The following MCOLN3 variants were observed in gnomAD, a reference collection of about 807,000 sequenced individuals.
MCOLN3 encodes mucolipin TRP cation channel 3.
MCOLN3 carries 62 observed loss-of-function variants against 69.4 expected under a neutral mutation model. The observed-to-expected ratio is 0.89, with a 90% CI of 0.73 to 1.10. The LOEUF is 1.10. MCOLN3 is among the 50% of genes least tolerant of loss of function. MCOLN3 has a pLI of 0.00. For missense variants in MCOLN3, 564 were observed against 656.4 expected (o/e 0.86, Z 1.54); for synonymous variants, 183 against 217.0 (o/e 0.84, Z 1.38).
intron 1 of MCOLN3, among the ~76,000 whole-genome samples, 200 bp from the exon 2 acceptor site, chr1:85,045,562 T>A (rs371339880): frequency 1.3e-5 from 2 of 152,232 alleles, no homozygotes; most frequent in Non-Finnish European, 2.9e-5. Flanking sequence ...TTGTTTTAAT[T>A]ACAAAGTGAA....
At chr1:85,026,787 T>C (rs1300859380) in intron 7 of MCOLN3, among the ~76,000 whole-genome samples, 1 of 150,272 alleles carries the variant, frequency 6.7e-6, no homozygotes, top group Non-Finnish European at 1.5e-5. Context: ...TCACCACAAC[T>C]ATCATTCCAA....
rs1421218402 is a variant in MCOLN3 at position 85,018,551 on chromosome 1, A to G, written c.*572T>C. 1 of 152,414 alleles carries G rather than the reference A, an allele frequency of 6.6e-6. No individual in the cohort carries two copies. Among genetic ancestry groups the G allele is most frequent in the Non-Finnish European group, 1.5e-5 (1 of 68,266 alleles). 9.4% of individuals were successfully genotyped at this position (152,414 alleles called of 1,614,324 possible). On this transcript the variant is annotated 3_prime_UTR_variant, in exon 13 of 13. Transcript: ENST00000370589. ...GACACATTTCTCAGAACATATCTCC[A>G]TCCTTAAGTGACATATGGCCGTATC... is the stretch of plus-strand genomic sequence containing the variant.
chr1:85,043,002 A>C (rs1653142989), intron 2 of MCOLN3, among the ~76,000 whole-genome samples: 1 of 152,206 alleles, frequency 6.6e-6, no homozygotes, highest in African/African-American at 2.4e-5. Context: ...AATATCTTAA[A>C]CCATTGTTCA....
intron 11 of MCOLN3, 132 bp downstream of exon 11, chr1:85,021,938 C>T (rs951061226): frequency 2.7e-6 from 3 of 1,098,952 alleles, no homozygotes. Context: ...ATAAATATGG[C>T]ACTAGATATA....
intron 6 of MCOLN3, chr1:85,029,430 A>G: frequency 6.6e-6 from 3 of 455,778 alleles, no homozygotes; most frequent in East Asian, 4.0e-5. Flanking sequence ...CTAAAACATT[A>G]TATGTCTAGG....
chr1:85,033,958 G>A, intron 4 of MCOLN3, 140 bp downstream of exon 4: 1 of 907,158 alleles, frequency 1.1e-6, no homozygotes, highest in Non-Finnish European at 1.7e-6. Flanking sequence ...AACAGTACCT[G>A]ACACATAATA....
intron 1 of MCOLN3, among the ~76,000 whole-genome samples, chr1:85,045,700 G>C (rs1204611371): frequency 6.6e-6 from 1 of 152,188 alleles, no homozygotes; most frequent in African/African-American, 2.4e-5. Flanking sequence ...GAGACCTGAG[G>C]ACCTGGGGGA....
At chr1:85,025,907 A>T (rs1351064071) in intron 9 of MCOLN3, 32 bp downstream of exon 9, 1 of 1,563,852 alleles carries the variant, frequency 6.4e-7, no homozygotes, top group East Asian at 2.2e-5. Context: ...CAAATCTGAC[A>T]CTAACAATAG....
chr1:85,035,630 A>G (rs1275273472), intron 3 of MCOLN3, among the ~76,000 whole-genome samples: 1 of 152,110 alleles, frequency 6.6e-6, no homozygotes, highest in Non-Finnish European at 1.5e-5. Flanking sequence ...TATCTCTGCA[A>G]AAGAATCACT....
chr1:85,031,908 TA>T (rs11396711), intron 6 of MCOLN3, among the ~76,000 whole-genome samples: 66 of 150,010 alleles, frequency 4.4e-4, no homozygotes, highest in African/African-American at 1.3e-3. Context: ...CCGTCTCTGC[TA>T]AAAAAAAATA....
chr1:85,045,974 G>A lies in MCOLN3; in HGVS notation c.-2-612C>T, dbSNP rs985314631. On this transcript the variant is annotated intron_variant, in intron 1 of 12. Coordinates refer to ENST00000370589, the MANE Select transcript of MCOLN3 (RefSeq NM_018298.11). ...CTCAGTTTCCTCTCCAGCAAAATGGGAATAACTACACCTACCCTTCTATGA... is the reference window on the plus strand; with the variant it reads ...CTCAGTTTCCTCTCCAGCAAAATGGAAATAACTACACCTACCCTTCTATGA... Among the ~76,000 whole-genome samples, 6 of 152,150 alleles carry A rather than the reference G, an allele frequency of 3.9e-5. No homozygotes were observed. In the East Asian group the frequency reaches 1.2e-3, roughly 29 times the overall value.
intron 3 of MCOLN3, among the ~76,000 whole-genome samples, chr1:85,035,444 A>G (rs1209848961): frequency 6.6e-6 from 1 of 152,208 alleles, no homozygotes; most frequent in Non-Finnish European, 1.5e-5. Flanking sequence ...GTCTAAGAGG[A>G]ATCTCTAGTA....
intron 1 of MCOLN3, among the ~76,000 whole-genome samples, chr1:85,045,628 T>C (rs1469047867): frequency 6.6e-6 from 1 of 152,328 alleles, no homozygotes; most frequent in Non-Finnish European, 1.5e-5. Context: ...AGTAAAAGAT[T>C]ATATGTACAT....
rs757569535 is a variant in MCOLN3, at chr1:85,022,108, A to C, written c.1282T>G (p.Phe428Val). The change falls in exon 11 of 13, where the codon TTC (phenylalanine) becomes GTC (valine). Residue 428 changes from phenylalanine to valine, a missense_variant. By Grantham distance (50) the Phe-to-Val change is conservative. Transcript: ENST00000370589. ...CAAMIYLGYC[F>V]CGWIVLGPYH... Reference sequence around the variant, plus strand: ...GGCCCCAGCACGATCCATCCACAGAAGCAGTAACCTAAGTAAATCATAGCT... The same window carrying C: ...GGCCCCAGCACGATCCATCCACAGACGCAGTAACCTAAGTAAATCATAGCT... 3.7e-6 allele frequency: 6 copies of C among 1,614,202 alleles called. No homozygotes were observed. The highest frequency in any genetic ancestry group is 4.2e-6 in the Non-Finnish European group (5 of 1,180,006).
At chr1:85,038,260 T>G (rs1191296197) in intron 3 of MCOLN3, among the ~76,000 whole-genome samples, 1 of 152,096 alleles carries the variant, frequency 6.6e-6, no homozygotes, top group African/African-American at 2.4e-5. Context: ...TTCATCATAC[T>G]GATGGCTGAG....
intron 11 of MCOLN3, 71 bp from the exon 12 acceptor site, chr1:85,021,347 T>C (rs1310474966): frequency 5.4e-6 from 7 of 1,301,978 alleles, no homozygotes; most frequent in South Asian, 1.3e-5. Flanking sequence ...GTTCATGACA[T>C]TGTATTAAAC....
intron 9 of MCOLN3, chr1:85,022,676 A>C (rs542381043): frequency 4.1e-6 from 1 of 242,326 alleles, no homozygotes; most frequent in African/African-American, 2.3e-5. Flanking sequence ...TTGTCATTTT[A>C]CATACACTAA....
chr1:85,032,479 T>A (rs1388902058), intron 6 of MCOLN3, among the ~76,000 whole-genome samples: 2 of 152,210 alleles, frequency 1.3e-5, no homozygotes, highest in Admixed American at 6.5e-5. Flanking sequence ...GGTCCCTGCT[T>A]TTCTAGAACT....
At chr1:85,027,608 G>A (rs1052395913) in intron 7 of MCOLN3, among the ~76,000 whole-genome samples, 5 of 152,180 alleles carry the variant, frequency 3.3e-5, no homozygotes, top group African/African-American at 1.2e-4. Flanking sequence ...GTTTCTGCAA[G>A]CCCTCCAGGT....
Sources: gnomAD v4.1 joint callset for allele counts (sites outside exome capture counted in the v4.1 genomes callset) on GRCh38, gnomAD v4.1.1 for gene constraint, MANE v1.5 for transcripts, NCBI Gene and HGNC (gene_info 2026-07-23, HGNC 2026-07-21) for gene names.